Variants in CBLN2 observed in about 807,000 individuals in gnomAD.
CBLN2 encodes cerebellin-2.
A neutral mutation model predicts 15.0 loss-of-function variants in CBLN2; 7 were observed. The ratio of observed to expected loss-of-function variants is 0.47; its 90% CI spans 0.27 to 0.88. CBLN2 has a LOEUF of 0.88. CBLN2 is among the 40% of genes least tolerant of loss of function. The pLI is 0.14. For missense variants in CBLN2, 242 were observed against 304.5 expected (o/e 0.79, Z 1.53); for synonymous variants, 149 against 135.2 (o/e 1.10, Z -0.71).
chr18:72,624,196 C>G (rs2069719181), intron 1 of CBLN2, among the ~76,000 whole-genome samples: 1 of 151,924 alleles, frequency 6.6e-6, no homozygotes, highest in African/African-American at 2.4e-5. Flanking sequence ...AAATCCAACC[C>G]CTTCTTTTTT....
chr18:72,569,296 T>G (rs570240831), intron 1 of CBLN2, among the ~76,000 whole-genome samples: 1 of 149,398 alleles, frequency 6.7e-6, no homozygotes, highest in Non-Finnish European at 1.5e-5. Flanking sequence ...AGACATCATT[T>G]TAAGATAGCT....
rs187820728 is a variant in CBLN2, at chr18:72,618,676, A to G, written c.15+19649T>C. 36 of 770,606 alleles carry G rather than the reference A, an allele frequency of 4.7e-5. No individual in the cohort carries two copies. The East Asian group carries it at 9.3e-4, about 20-fold the overall frequency. 47.7% of individuals were successfully genotyped at this position (770,606 alleles called of 1,614,324 possible). A position where few individuals can be genotyped will look rare whatever the true frequency, so the allele number is the denominator to read the frequency against. Reference sequence around the variant, plus strand: ...AAAAATCGAAGTGATTGAACTCATGACCGACTGAGGCAGTGGCAAGAAAAG... The same window carrying G: ...AAAAATCGAAGTGATTGAACTCATGGCCGACTGAGGCAGTGGCAAGAAAAG... On this transcript the variant is annotated intron_variant, in intron 1 of 2. Transcript: ENST00000581073.
At chr18:72,568,775 T>C (rs961346222) in intron 1 of CBLN2, among the ~76,000 whole-genome samples, 2 of 152,136 alleles carry the variant, frequency 1.3e-5, no homozygotes, top group Admixed American at 1.3e-4. Context: ...AAATCAGCCA[T>C]GGTAATATTT....
intron 1 of CBLN2, among the ~76,000 whole-genome samples, chr18:72,562,644 G>A (rs571602252): frequency 5.3e-5 from 8 of 152,128 alleles, no homozygotes; most frequent in East Asian, 1.9e-4. Context: ...TTTTAAACCC[G>A]GATAACACAA....
intron 1 of CBLN2, among the ~76,000 whole-genome samples, chr18:72,562,330 G>A (rs2069266917): frequency 6.6e-6 from 1 of 152,092 alleles, no homozygotes; most frequent in East Asian, 1.9e-4. Flanking sequence ...CATATAGGAA[G>A]AAAAGTAAAA....
At position 72,541,311 on chromosome 18, in the gene CBLN2, C is replaced by G. The variant is rs726155; in HGVS notation, c.357+493G>C. Among the ~76,000 whole-genome samples the G allele has an allele frequency of 0.053, 7,957 of 151,404 alleles. 891 individuals carry two copies. The East Asian group carries it at 0.54, about 10-fold the overall frequency. On this transcript the variant is annotated intron_variant, in intron 3 of 4. Transcript: ENST00000269503. ...TTTTTTTTTTTTTAAGATAAACATCCCTTCCCCAATCCATTCCTCAAAATA... is the reference window on the plus strand; with the variant it reads ...TTTTTTTTTTTTTAAGATAAACATCGCTTCCCCAATCCATTCCTCAAAATA...
At chr18:72,538,496 C>T in intron 4 of CBLN2, 123 bp from the exon 5 acceptor site, 1 of 1,412,886 alleles carries the variant, frequency 7.1e-7, no homozygotes, top group East Asian at 2.3e-5. Flanking sequence ...ATCAGGGGAG[C>T]CTGACAGTGA....
In CBLN2 at chr18:72,544,062, ATTCT is replaced by A. The variant is rs2069139075; in HGVS notation, c.-301_-298del. 1 of 151,444 alleles carries A rather than the reference ATTCT, an allele frequency of 6.6e-6. No individual in the cohort carries two copies. The highest frequency in any genetic ancestry group is 2.4e-5 in the African/African-American group (1 of 41,256). The allele number at this position is 151,444 out of a possible 1,614,324, so 9.4% of individuals were successfully genotyped here. On this transcript the variant is annotated 5_prime_UTR_variant, in exon 1 of 5. It removes the in-frame stop codon of an upstream open reading frame in the 5' UTR. Coordinates refer to ENST00000269503, the MANE Select transcript of CBLN2 (RefSeq NM_182511.4). The stretch of plus-strand genomic sequence containing the variant: ...GCACCGGTCGCTTCTCTTCTTTTAG[ATTCT>A]TTCTTTTCTTTCCCCAATTCCCTCC...
At position 72,553,768 on chromosome 18, in the gene CBLN2, A is replaced by G. The variant is rs908570797; in HGVS notation, c.16-14996T>C. Among the ~76,000 whole-genome samples, 7 of 152,304 alleles carry G rather than the reference A, an allele frequency of 4.6e-5. No homozygotes were observed. The South Asian group carries it at 1.4e-3, about 32-fold the overall frequency. ...AGCAATGAAAAGAGGACAGGGTTAA[A>G]GTCCATAATTCATGCCTCGAAAGCT... On this transcript the variant is annotated intron_variant, in intron 1 of 2. Transcript: ENST00000581073.
intron 1 of CBLN2, among the ~76,000 whole-genome samples, chr18:72,617,853 A>T (rs2069672769): frequency 6.6e-6 from 1 of 152,234 alleles, no homozygotes. Flanking sequence ...CCTGGTATGC[A>T]AAATATACTG....
chr18:72,579,784 T>A (rs12455705), intron 1 of CBLN2, among the ~76,000 whole-genome samples: 3,919 of 151,976 alleles, frequency 0.026, 84 homozygotes, highest in Admixed American at 0.054. Context: ...AAACTAGTCA[T>A]AAAAAAATAA....
chr18:72,585,366 G>T (rs573496587), intron 1 of CBLN2, among the ~76,000 whole-genome samples: 27 of 152,286 alleles, frequency 1.8e-4, no homozygotes, highest in African/African-American at 6.0e-4. Flanking sequence ...AAGGTGAAAA[G>T]GTCCTTTACT....
At chr18:72,573,931 A>C (rs2069348027) in intron 1 of CBLN2, among the ~76,000 whole-genome samples, 1 of 152,180 alleles carries the variant, frequency 6.6e-6, no homozygotes, top group Admixed American at 6.5e-5. Context: ...GTTGCACCAC[A>C]TCCTTGCCAG....
chr18:72,591,131 G>C (rs150085288), intron 1 of CBLN2, among the ~76,000 whole-genome samples: 1,943 of 152,066 alleles, frequency 0.013, 20 homozygotes, highest in Non-Finnish European at 0.019. Context: ...GAGGAAAAAG[G>C]GATTAAAATC....
intron 1 of CBLN2, among the ~76,000 whole-genome samples, chr18:72,613,574 A>T (rs1249662832): frequency 6.6e-6 from 1 of 152,020 alleles, no homozygotes; most frequent in Non-Finnish European, 1.5e-5. Flanking sequence ...AAGCTTTGCT[A>T]TTTGCAATAA....
chr18:72,596,593 T>C (rs2069515580), intron 1 of CBLN2, among the ~76,000 whole-genome samples: 1 of 152,232 alleles, frequency 6.6e-6, no homozygotes. Context: ...GCATTTCTTG[T>C]AGGATGAGTC....
chr18:72,590,624 C>A (rs904574245), intron 1 of CBLN2, among the ~76,000 whole-genome samples: 6 of 152,128 alleles, frequency 3.9e-5, no homozygotes, highest in African/African-American at 1.4e-4. Flanking sequence ...AGAATTATGT[C>A]ACTAGTGTAC....
intron 1 of CBLN2, among the ~76,000 whole-genome samples, chr18:72,573,273 CT>C (rs1174283003): frequency 6.6e-6 from 1 of 152,140 alleles, no homozygotes; most frequent in East Asian, 1.9e-4. Context: ...AAATAAATAT[CT>C]TGGGGGGAAG....
Position 72,584,113 on chromosome 18 carries a change from G to C in CBLN2, c.16-45341C>G, listed in dbSNP as rs192911500. 2.2e-3 allele frequency among the ~76,000 whole-genome samples: 331 copies of C among 152,206 alleles called. 4 individuals carry two copies. Among genetic ancestry groups the C allele is most frequent in the African/African-American group, 7.8e-3 (323 of 41,508 alleles). On this transcript the variant is annotated intron_variant, in intron 1 of 2. Coordinates refer to the CBLN2 transcript ENST00000581073. ...TCAAAGCACCAGCTGCAGACAGAAG[G>C]GCACACGCATTGCCTGTGCCTAGGT...
Sources: allele counts gnomAD v4.1 joint callset (sites outside exome capture counted in the v4.1 genomes callset), GRCh38; gene constraint gnomAD v4.1.1; transcripts MANE v1.5; gene names NCBI Gene and HGNC (gene_info 2026-07-23, HGNC 2026-07-21).